SLC44A5: variants seen among roughly 807,000 people sequenced by gnomAD.
The protein encoded by SLC44A5 is choline transporter-like protein 5.
A neutral mutation model predicts 101.8 loss-of-function variants in SLC44A5; 57 were observed. That is an observed-to-expected ratio of 0.56 (90% CI 0.45 to 0.70). The LOEUF is 0.70. SLC44A5 is among the 30% of genes least tolerant of loss of function. The probability of loss-of-function intolerance (pLI) is 0.00; values close to 1 mark genes in which losing one functional copy is unlikely to be tolerated. For missense variants in SLC44A5, 737 were observed against 853.1 expected, an observed-to-expected ratio of 0.86 and a Z score of 1.70; for synonymous variants, 281 against 290.9, an observed-to-expected ratio of 0.97 and a Z score of 0.35.
At chr1:75,634,425 A>G in the SLC44A5 span, among the ~76,000 whole-genome samples, 2 of 152,016 alleles carry the variant, frequency 1.3e-5, no homozygotes, top group Non-Finnish European at 2.9e-5. Context: ...CTACAAGGCT[A>G]CAGTAACCAA....
chr1:75,680,799 T>C, the SLC44A5 span, among the ~76,000 whole-genome samples: 2 of 148,460 alleles, frequency 1.3e-5, no homozygotes, highest in Non-Finnish European at 3.0e-5. Context: ...CAAAAAACCC[T>C]TCAAAAAATT....
intron 3 of SLC44A5, among the ~76,000 whole-genome samples, chr1:75,390,089 T>G (rs919708404): frequency 6.6e-6 from 1 of 151,412 alleles, no homozygotes; most frequent in Non-Finnish European, 1.5e-5. Context: ...AAATTCATAG[T>G]CTCCCAAGAT....
chr1:75,719,053 AT>A, the SLC44A5 span, among the ~76,000 whole-genome samples: 1 of 152,170 alleles, frequency 6.6e-6, no homozygotes, highest in Non-Finnish European at 1.5e-5. Flanking sequence ...ATTTTCAGAC[AT>A]GATCAATCTG....
intron 4 of SLC44A5, among the ~76,000 whole-genome samples, chr1:75,306,080 C>T (rs1424520243): frequency 2.6e-5 from 4 of 152,154 alleles, no homozygotes; most frequent in East Asian, 1.9e-4. Context: ...AACCTAGAAA[C>T]GTTATGTAAA....
intron 7 of SLC44A5, among the ~76,000 whole-genome samples, chr1:75,248,040 C>T (rs1361356506): frequency 6.6e-6 from 1 of 151,932 alleles, no homozygotes; most frequent in East Asian, 1.9e-4. Flanking sequence ...AAATCCTTGT[C>T]CTTAAGCAAT....
intron 2 of SLC44A5, among the ~76,000 whole-genome samples, chr1:75,484,424 A>T (rs1668042660): frequency 6.6e-6 from 1 of 151,948 alleles, no homozygotes; most frequent in Admixed American, 6.6e-5. Context: ...ATCTTCTTTG[A>T]CTCCATGCCT....
At chr1:75,310,788 TG>T (rs1312593554) in intron 4 of SLC44A5, among the ~76,000 whole-genome samples, 110 of 152,246 alleles carry the variant, frequency 7.2e-4, no homozygotes, top group Admixed American at 1.4e-3. Flanking sequence ...TAAGTTAAAC[TG>T]AGATTTGTTT....
At chr1:75,357,572 G>A (rs1659173127) in intron 3 of SLC44A5, among the ~76,000 whole-genome samples, 2 of 152,170 alleles carry the variant, frequency 1.3e-5, no homozygotes, top group African/African-American at 4.8e-5. Flanking sequence ...TGGAAAATGT[G>A]AGGGAAAGAC....
At chr1:75,720,861 G>T in the SLC44A5 span, among the ~76,000 whole-genome samples, 23 of 151,730 alleles carry the variant, frequency 1.5e-4, no homozygotes, top group African/African-American at 5.6e-4. Context: ...GGGTGGAGCT[G>T]GGGGGGTAGG....
At chr1:75,235,171 A>C (rs1290152786) in intron 11 of SLC44A5, among the ~76,000 whole-genome samples, 3 of 152,076 alleles carry the variant, frequency 2.0e-5, no homozygotes, top group African/African-American at 7.2e-5. Context: ...TTTAATGCTT[A>C]AATATTCAAT....
intron 2 of SLC44A5, among the ~76,000 whole-genome samples, chr1:75,400,067 T>C (rs1373582157): frequency 6.6e-6 from 1 of 152,096 alleles, no homozygotes; most frequent in East Asian, 1.9e-4. Context: ...TTATCCAAAG[T>C]GAATCAGCAC....
intron 9 of SLC44A5, among the ~76,000 whole-genome samples, chr1:75,240,978 G>A (rs1334247112): frequency 4.6e-5 from 7 of 151,772 alleles, no homozygotes; most frequent in East Asian, 1.9e-4. Flanking sequence ...GTAACAGTTT[G>A]AATTTTATTT....
intron 1 of SLC44A5, among the ~76,000 whole-genome samples, chr1:75,585,893 A>G (rs751168669): frequency 7.2e-5 from 11 of 152,166 alleles, no homozygotes; most frequent in East Asian, 1.9e-4. Context: ...AGGAAGTTCA[A>G]GAATTGCCTT....
At chr1:75,311,221 A>G (rs1399276760) in intron 4 of SLC44A5, among the ~76,000 whole-genome samples, 1 of 151,740 alleles carries the variant, frequency 6.6e-6, no homozygotes, top group South Asian at 2.1e-4. Context: ...GGTTCAAGCG[A>G]TTCTCCTGCC....
At chr1:75,521,581 C>G (rs1357625175) in intron 2 of SLC44A5, 1 of 152,254 alleles carries the variant, frequency 6.6e-6, no homozygotes, top group Non-Finnish European at 1.5e-5. Flanking sequence ...ATGGAGGCTC[C>G]CAGTGTCATC....
intron 2 of SLC44A5, among the ~76,000 whole-genome samples, chr1:75,464,466 C>T (rs967677116): frequency 1.5e-4 from 23 of 151,722 alleles, no homozygotes; most frequent in African/African-American, 4.1e-4. Context: ...CAGAGAAAAT[C>T]GCCTTCATTA....
intron 23 of SLC44A5, chr1:75,206,126 T>C (rs896033478): frequency 1.3e-5 from 2 of 153,230 alleles, no homozygotes; most frequent in Non-Finnish European, 2.9e-5. Flanking sequence ...TAATCACAGT[T>C]TAGAGAGTTG....
chr1:75,243,009 G>A lies in SLC44A5; in HGVS notation c.348C>T (p.Ile116=). 2.5e-6 allele frequency: 4 copies of A among 1,610,864 alleles called. No homozygotes were observed. Among genetic ancestry groups the A allele is most frequent in the Non-Finnish European group, 3.4e-6 (4 of 1,178,574 alleles). Residue 116 remains isoleucine, a splice_region_variant and synonymous_variant, in exon 8 of 24, where the codon ATC becomes ATT. Coordinates refer to ENST00000370859, the MANE Select transcript of SLC44A5 (RefSeq NM_001130058.2). ...ATTTTTCTGGGCACTTGGAGACACA[G>A]ATCTGTGAACGAACAAAGTGATGAG... ...LLNLQCPTTQ[I]CVSKCPEKFL...
the SLC44A5 span, among the ~76,000 whole-genome samples, chr1:75,649,437 A>G: frequency 2.0e-5 from 3 of 152,140 alleles, no homozygotes; most frequent in Non-Finnish European, 4.4e-5. Flanking sequence ...TAGCTAGAAG[A>G]AAGGTGTTAA....
Sources: allele counts gnomAD v4.1 joint callset (sites outside exome capture counted in the v4.1 genomes callset), GRCh38; gene constraint gnomAD v4.1.1; transcripts MANE v1.5; gene names NCBI Gene and HGNC (gene_info 2026-07-23, HGNC 2026-07-21).